ITFG1: variants seen among roughly 807,000 people sequenced by gnomAD.
ITFG1 encodes the protein T-cell immunomodulatory protein.
Under a neutral mutation model 81.8 loss-of-function variants are expected in ITFG1, and 34 were observed. That is an observed-to-expected ratio of 0.42 (90% CI 0.32 to 0.55). The LOEUF (loss-of-function observed/expected upper bound fraction) is 0.55. Among genes scored for constraint, ITFG1 ranks in the 20% least tolerant of loss-of-function variants. The pLI is 0.17. For missense variants in ITFG1, 672 were observed against 755.4 expected (o/e 0.89, Z 1.29); for synonymous variants, 285 against 270.6 (o/e 1.05, Z -0.52).
chr16:47,388,474 T>A lies in ITFG1; in HGVS notation c.656-12534A>T, dbSNP rs1236368944. On this transcript the variant is annotated intron_variant, in intron 6 of 17. Transcript: ENST00000320640. ...AGCAAGGGAAAAACTATTCATCACA[T>A]AGAAGAGAATCCCAATAAGTTTAAT... 3.3e-5 allele frequency among the ~76,000 whole-genome samples: 5 copies of A among 152,214 alleles called. No individual in the cohort carries two copies. In the South Asian group the frequency reaches 1.0e-3, roughly 32 times the overall value.
chr16:47,258,377 T>C (rs577089917), intron 12 of ITFG1, among the ~76,000 whole-genome samples: 149 of 152,314 alleles, frequency 9.8e-4, no homozygotes, highest in African/African-American at 3.4e-3. Context: ...CTGGTCCAGA[T>C]TGAAGAAGTC....
intron 10 of ITFG1, among the ~76,000 whole-genome samples, chr16:47,302,563 G>C (rs553860973): frequency 1.2e-4 from 19 of 152,228 alleles, no homozygotes; most frequent in African/African-American, 3.4e-4. Context: ...AGATCTTAAT[G>C]CTGCAATCAC....
chr16:47,182,629 T>C (rs1965142207), intron 14 of ITFG1, among the ~76,000 whole-genome samples: 1 of 152,216 alleles, frequency 6.6e-6, no homozygotes, highest in South Asian at 2.1e-4. Context: ...TATAATGGAA[T>C]GTTTCCTCAT....
intron 6 of ITFG1, among the ~76,000 whole-genome samples, chr16:47,382,133 T>TA (rs1270146485): frequency 6.6e-6 from 1 of 152,178 alleles, no homozygotes; most frequent in Non-Finnish European, 1.5e-5. Flanking sequence ...TAATTCAAAA[T>TA]ATATGAAACA....
chr16:47,192,078 CCA>C (rs1383118734), intron 14 of ITFG1, among the ~76,000 whole-genome samples: 1 of 152,236 alleles, frequency 6.6e-6, no homozygotes, highest in East Asian at 1.9e-4. Context: ...CACACCTAGC[CCA>C]CAGTTATTTT....
At chr16:47,257,103 T>C (rs572881298) in intron 12 of ITFG1, among the ~76,000 whole-genome samples, 9 of 152,350 alleles carry the variant, frequency 5.9e-5, no homozygotes, top group Admixed American at 2.6e-4. Flanking sequence ...ACAAGACAAG[T>C]GTGTCCACTC....
At chr16:47,350,140 T>A (rs972444156) in intron 8 of ITFG1, among the ~76,000 whole-genome samples, 1 of 151,742 alleles carries the variant, frequency 6.6e-6, no homozygotes, top group Non-Finnish European at 1.5e-5. Context: ...CACCCTAATA[T>A]CACAATTAAA....
intron 12 of ITFG1, among the ~76,000 whole-genome samples, chr16:47,238,804 CTTTT>C (rs1238139439): frequency 1.3e-5 from 2 of 151,164 alleles, no homozygotes; most frequent in African/African-American, 2.5e-5. Context: ...AAAATGGTTT[CTTTT>C]GTTTGTTTAT....
At chr16:47,358,024 G>A (rs959132345) in intron 8 of ITFG1, among the ~76,000 whole-genome samples, 1 of 152,148 alleles carries the variant, frequency 6.6e-6, no homozygotes, top group African/African-American at 2.4e-5. Flanking sequence ...TTTTGCTGTG[G>A]TAACTATTGC....
chr16:47,165,705 G>A (rs541464992), intron 14 of ITFG1, among the ~76,000 whole-genome samples: 1 of 152,286 alleles, frequency 6.6e-6, no homozygotes, highest in East Asian at 1.9e-4. Context: ...AATTAGCCAG[G>A]CATGGTGGCA....
rs975642328 is a variant in ITFG1, at chr16:47,155,122, C to G, written c.*597G>C. The G allele has an allele frequency of 6.6e-5, 10 of 152,178 alleles. No individual in the cohort carries two copies. Among genetic ancestry groups the G allele is most frequent in the African/African-American group, 2.4e-4 (10 of 41,438 alleles). 9.4% of individuals were successfully genotyped at this position (152,178 alleles called of 1,614,324 possible). A position where few individuals can be genotyped will look rare whatever the true frequency, so the allele number is the denominator to read the frequency against. The stretch of plus-strand genomic sequence containing the variant: ...TAGCCCCACTGAATAAACAAGAAAA[C>G]TGAGGTTTACAGAGGTTAAACAAGA... On this transcript the variant is annotated 3_prime_UTR_variant, in exon 18 of 18. Coordinates refer to ENST00000320640, the MANE Select transcript of ITFG1 (RefSeq NM_030790.5).
intron 12 of ITFG1, among the ~76,000 whole-genome samples, chr16:47,248,488 GGATA>G (rs1204415810): frequency 6.6e-6 from 1 of 152,088 alleles, no homozygotes; most frequent in African/African-American, 2.4e-5. Flanking sequence ...AAAAGTAAAA[GGATA>G]GACTGATGGT....
intron 6 of ITFG1, among the ~76,000 whole-genome samples, chr16:47,417,045 G>C (rs1046978729): frequency 2.6e-5 from 4 of 152,158 alleles, no homozygotes; most frequent in African/African-American, 9.7e-5. Flanking sequence ...ATAATGGCTA[G>C]ACTTGTCAGC....
chr16:47,361,222 G>T (rs1968104742), intron 8 of ITFG1, among the ~76,000 whole-genome samples: 1 of 152,112 alleles, frequency 6.6e-6, no homozygotes, highest in Non-Finnish European at 1.5e-5. Context: ...CAGTTAGCAT[G>T]AGATCTGTAT....
chr16:47,201,637 G>A (rs17238486), intron 14 of ITFG1, among the ~76,000 whole-genome samples: 3,406 of 152,200 alleles, frequency 0.022, 98 homozygotes, highest in Non-Finnish European at 0.031. Context: ...CCAGTGTGAC[G>A]GGATGAATTG....
chr16:47,449,596 G>T (rs964180529), intron 5 of ITFG1: 2 of 152,120 alleles, frequency 1.3e-5, no homozygotes, highest in African/African-American at 4.8e-5. Context: ...CTTAGATATG[G>T]TTAGCTACTA....
intron 5 of ITFG1, among the ~76,000 whole-genome samples, chr16:47,446,722 A>G (rs933391257): frequency 2.6e-5 from 4 of 152,208 alleles, no homozygotes; most frequent in African/African-American, 9.6e-5. Context: ...AAAAAATGCA[A>G]CTAGAATCTA....
intron 14 of ITFG1, among the ~76,000 whole-genome samples, chr16:47,211,775 T>C (rs1279745612): frequency 1.3e-5 from 2 of 152,178 alleles, no homozygotes; most frequent in African/African-American, 4.8e-5. Flanking sequence ...TGTGGTTTGT[T>C]TTCTTCTTTA....
chr16:47,237,886 T>C, intron 13 of ITFG1, 79 bp downstream of exon 13: 4 of 677,566 alleles, frequency 5.9e-6, no homozygotes, highest in Non-Finnish European at 7.7e-6. Flanking sequence ...TTTGATAATC[T>C]ATAACAACTA....
Sources: gnomAD v4.1 joint callset for allele counts (sites outside exome capture counted in the v4.1 genomes callset) on GRCh38, gnomAD v4.1.1 for gene constraint, MANE v1.5 for transcripts, NCBI Gene and HGNC (gene_info 2026-07-23, HGNC 2026-07-21) for gene names.